Variants in ITPR2 observed in about 807,000 individuals in gnomAD.
The protein encoded by ITPR2 is inositol 1,4,5-trisphosphate receptor type 2.
ITPR2 carries 207 observed loss-of-function variants against 317.1 expected under a neutral mutation model. The observed-to-expected ratio is 0.65, with a 90% CI of 0.58 to 0.73. The LOEUF is 0.73. ITPR2 is among the 30% of genes least tolerant of loss of function. The probability of loss-of-function intolerance (pLI) is 0.00; values close to 1 mark genes in which losing one functional copy is unlikely to be tolerated. For missense variants in ITPR2, 2,613 were observed against 3,284.0 expected, an observed-to-expected ratio of 0.80 and a Z score of 4.99; for synonymous variants, 1,156 against 1,149.1, an observed-to-expected ratio of 1.01 and a Z score of -0.12.
rs1483229447 is a variant in ITPR2, at chr12:26,766,293, ATC to A, written c.163+23862_163+23863del. On this transcript the variant is annotated intron_variant, in intron 2 of 56. Transcript: ENST00000381340. ...CACATCCTGGATAATACTTTTTATT[ATC>A]TGTTTTTTTTTTGTAACTATAATTC... 1.3e-5 allele frequency among the ~76,000 whole-genome samples: 2 copies of A among 151,326 alleles called. 1 individual carries two copies. Among genetic ancestry groups the A allele is most frequent in the African/African-American group, 4.9e-5 (2 of 41,066 alleles).
intron 55 of ITPR2, among the ~76,000 whole-genome samples, chr12:26,382,978 T>C (rs1487817843): frequency 6.6e-6 from 1 of 152,176 alleles, no homozygotes; most frequent in African/African-American, 2.4e-5. Flanking sequence ...AAACCTCATG[T>C]TGAAATTTGA....
chr12:26,744,498 C>T (rs996302614), intron 2 of ITPR2, among the ~76,000 whole-genome samples: 6 of 152,232 alleles, frequency 3.9e-5, no homozygotes, highest in Non-Finnish European at 1.5e-5. Flanking sequence ...CAAGCTAGCA[C>T]TCTTGGTCAC....
intron 45 of ITPR2, among the ~76,000 whole-genome samples, chr12:26,446,863 G>T (rs998368804): frequency 6.6e-6 from 1 of 150,700 alleles, no homozygotes; most frequent in African/African-American, 2.4e-5. Flanking sequence ...AATTGAAAAA[G>T]AACAATAAAA....
At chr12:26,370,551 G>T (rs1371648636) in intron 55 of ITPR2, among the ~76,000 whole-genome samples, 1 of 152,054 alleles carries the variant, frequency 6.6e-6, no homozygotes, top group East Asian at 1.9e-4. Context: ...ATTTTCTTTT[G>T]GGTTATTTTC....
At chr12:26,465,625 C>T (rs147615255) in intron 45 of ITPR2, among the ~76,000 whole-genome samples, 87 of 152,032 alleles carry the variant, frequency 5.7e-4, no homozygotes, top group Non-Finnish European at 1.0e-3. Context: ...CCCTCTCTCT[C>T]TCTCTTGCTC....
intron 49 of ITPR2, among the ~76,000 whole-genome samples, chr12:26,420,489 A>G (rs1406648285): frequency 1.3e-5 from 2 of 152,190 alleles, no homozygotes; most frequent in East Asian, 3.8e-4. Context: ...TCTGAAGTTC[A>G]AATCAATACA....
At chr12:26,441,170 A>G (rs533355161) in intron 46 of ITPR2, among the ~76,000 whole-genome samples, 1 of 152,280 alleles carries the variant, frequency 6.6e-6, no homozygotes, top group Admixed American at 6.5e-5. Context: ...GTTTCTAATT[A>G]CTAGACATTC....
rs1224352773 is a variant in ITPR2, at chr12:26,573,775, C to T, written c.4630+4938G>A. On this transcript the variant is annotated intron_variant, in intron 34 of 56. Coordinates refer to ENST00000381340, the MANE Select transcript of ITPR2 (RefSeq NM_002223.4). ...CGAAAGAAGGTCAGTGTGGATGGAG[C>T]AGAGTTGGAGGAGATGGAGGGTGAT... is the stretch of plus-strand genomic sequence containing the variant. Among the ~76,000 whole-genome samples, 10 of 152,094 alleles carry T rather than the reference C, an allele frequency of 6.6e-5. 1 individual carries two copies. The highest frequency in any genetic ancestry group is 1.3e-4 in the Non-Finnish European group (9 of 68,018).
chr12:26,476,989 A>G lies in ITPR2; in HGVS notation c.6142T>C (p.Leu2048=). The G allele has an allele frequency of 6.2e-7, 1 of 1,612,234 alleles. No homozygotes were observed. The highest frequency in any genetic ancestry group is 8.5e-7 in the Non-Finnish European group (1 of 1,178,394). The change falls in exon 44 of 57, where the codon TTG becomes CTG. Residue 2048 remains leucine, a synonymous_variant. Coordinates refer to ENST00000381340, the MANE Select transcript of ITPR2 (RefSeq NM_002223.4). The part of the protein sequence containing the change: ...LQLKNNASKL[L]LAIMESRHDS... ...TGTCTGCTTTCCATAATGGCCAGCA[A>G]AAGTTTAGATGCATTGTTCTAGAGA...
At chr12:26,393,664 G>A (rs557926708) in intron 54 of ITPR2, among the ~76,000 whole-genome samples, 7 of 152,182 alleles carry the variant, frequency 4.6e-5, no homozygotes, top group African/African-American at 1.7e-4. Flanking sequence ...TTTACACTTA[G>A]TTTAAATTAC....
At chr12:26,566,125 G>C (rs1332798494) in intron 34 of ITPR2, among the ~76,000 whole-genome samples, 1 of 127,078 alleles carries the variant, frequency 7.9e-6, no homozygotes, top group Admixed American at 7.6e-5. Flanking sequence ...AGGAGAGGAG[G>C]AGAGGGAGAG....
chr12:26,448,656 G>A (rs1941668202), intron 45 of ITPR2, among the ~76,000 whole-genome samples: 1 of 152,132 alleles, frequency 6.6e-6, no homozygotes, highest in Non-Finnish European at 1.5e-5. Flanking sequence ...GGGATCCAAA[G>A]CATTGGTGGA....
intron 37 of ITPR2, among the ~76,000 whole-genome samples, chr12:26,507,275 A>C (rs1205243750): frequency 6.6e-6 from 1 of 152,242 alleles, no homozygotes; most frequent in Non-Finnish European, 1.5e-5. Flanking sequence ...ATTATTACTA[A>C]AAGAAAATGA....
chr12:26,687,102 C>T (rs1948141688), intron 10 of ITPR2, among the ~76,000 whole-genome samples: 1 of 152,126 alleles, frequency 6.6e-6, no homozygotes, highest in Admixed American at 6.6e-5. Flanking sequence ...TTCCCTTTCA[C>T]CACCTGCTTG....
chr12:26,782,019 TATATATATATATATGTATAGAGAGAGAG>T (rs1338900195), intron 2 of ITPR2, among the ~76,000 whole-genome samples: 8 of 36,364 alleles, frequency 2.2e-4, no homozygotes, highest in Admixed American at 3.4e-4. Flanking sequence ...TATATATATA[TATATATATATATATGTATAGAGAGAGAG>T]AGAGAGAGAG....
intron 37 of ITPR2, among the ~76,000 whole-genome samples, chr12:26,498,640 A>G (rs77157587): frequency 0.077 from 11,665 of 152,222 alleles, 519 homozygotes; most frequent in South Asian, 0.13. Context: ...TCACCTCTAC[A>G]GACCACTCAC....
At chr12:26,512,631 G>A (rs1943383246) in intron 37 of ITPR2, among the ~76,000 whole-genome samples, 1 of 152,148 alleles carries the variant, frequency 6.6e-6, no homozygotes, top group African/African-American at 2.4e-5. Context: ...ATTGATTGAT[G>A]TCTCATGTCT....
intron 13 of ITPR2, among the ~76,000 whole-genome samples, chr12:26,679,908 C>T (rs888470765): frequency 2.6e-5 from 4 of 151,770 alleles, no homozygotes; most frequent in Admixed American, 2.0e-4. Flanking sequence ...AATATAGATA[C>T]AGTATATAAT....
intron 2 of ITPR2, among the ~76,000 whole-genome samples, chr12:26,788,900 T>C (rs1950300457): frequency 6.6e-6 from 1 of 152,210 alleles, no homozygotes; most frequent in Non-Finnish European, 1.5e-5. Flanking sequence ...CATTAGGGTT[T>C]CTCTACCCTC....
Sources: gnomAD v4.1 joint callset for allele counts (sites outside exome capture counted in the v4.1 genomes callset) on GRCh38, gnomAD v4.1.1 for gene constraint, MANE v1.5 for transcripts, NCBI Gene and HGNC (gene_info 2026-07-23, HGNC 2026-07-21) for gene names.